RPP40: variants seen among roughly 807,000 people sequenced by gnomAD.
RPP40 encodes ribonuclease P/MRP subunit p40, also known as ribonuclease P protein subunit p40.
A neutral mutation model predicts 42.5 loss-of-function variants in RPP40; 30 were observed. That is an observed-to-expected ratio of 0.71 (90% CI 0.53 to 0.96). The LOEUF (loss-of-function observed/expected upper bound fraction) is 0.96. RPP40 is among the 40% of genes least tolerant of loss of function. The pLI, the probability that RPP40 is intolerant of heterozygous loss-of-function variation, is 0.00. For missense variants in RPP40, 426 were observed against 433.5 expected, an observed-to-expected ratio of 0.98 and a Z score of 0.15; for synonymous variants, 173 against 164.0, an observed-to-expected ratio of 1.05 and a Z score of -0.42.
intron 4 of RPP40, 50 bp downstream of exon 4, chr6:4,999,754 AAATTT>A: frequency 9.7e-7 from 1 of 1,029,452 alleles, no homozygotes; most frequent in African/African-American, 1.6e-5. Context: ...TCAAACATTT[AAATTT>A]AAATTGCCAC....
chr6:5,001,088 C>A, intron 2 of RPP40: 1 of 456,982 alleles, frequency 2.2e-6, no homozygotes, highest in Non-Finnish European at 4.4e-6. Flanking sequence ...CAGAACGGAA[C>A]GTGACCTTTG....
intron 5 of RPP40, 27 bp from the exon 6 acceptor site, chr6:4,996,447 T>C (rs369724633): frequency 1.5e-4 from 240 of 1,608,676 alleles, no homozygotes; most frequent in Non-Finnish European, 1.9e-4. Flanking sequence ...ACAAGGCCAT[T>C]TGAATCCATC....
intron 7 of RPP40, 77 bp from the exon 8 acceptor site, chr6:4,995,353 A>G (rs1638364078): frequency 1.0e-6 from 1 of 994,420 alleles, no homozygotes; most frequent in East Asian, 2.6e-5. Flanking sequence ...TTTATTCAGG[A>G]TAAGTAGTAT....
At chr6:4,992,455 T>C (rs1259996370), downstream of RPP40, among the ~76,000 whole-genome samples, 2 of 152,176 alleles carry the variant, frequency 1.3e-5, no homozygotes. Flanking sequence ...CAGATATTTC[T>C]TTATGGCAGT....
intron 7 of RPP40, 45 bp from the exon 8 acceptor site, chr6:4,995,321 G>C: frequency 7.2e-7 from 1 of 1,384,220 alleles, no homozygotes; most frequent in Non-Finnish European, 1.0e-6. Context: ...AAGAGAGTTA[G>C]GAATGTCTGC....
At position 4,994,885 on chromosome 6, in the gene RPP40, A is replaced by G. The variant is rs1318919667; in HGVS notation, c.*193T>C. Reference sequence around the variant, plus strand: ...TTATGTTGACAGAGAGAAATCAACTATGAGCTATTCACTGGACAGCAGGCC... The same window carrying G: ...TTATGTTGACAGAGAGAAATCAACTGTGAGCTATTCACTGGACAGCAGGCC... On this transcript the variant is annotated 3_prime_UTR_variant, in exon 8 of 8. Coordinates refer to ENST00000380051, the MANE Select transcript of RPP40 (RefSeq NM_006638.4). 12 of 591,586 alleles carry G rather than the reference A, an allele frequency of 2.0e-5. No homozygotes were observed. The highest frequency in any genetic ancestry group is 4.4e-4 in the Middle Eastern group (1 of 2,268). The allele number at this position is 591,586 out of a possible 1,614,324, so 36.6% of individuals were successfully genotyped here.
chr6:5,003,849 G>C, intron 1 of RPP40, 31 bp downstream of exon 1: 1 of 1,593,102 alleles, frequency 6.3e-7, no homozygotes, highest in Non-Finnish European at 8.6e-7. Flanking sequence ...GACTGAGCAC[G>C]GCCCGAAAAG....
In RPP40 at chr6:4,995,273, G is replaced by A. The variant is rs559922527; in HGVS notation, c.897C>T (p.His299=). 1 of 1,605,538 alleles carries A rather than the reference G, an allele frequency of 6.2e-7. No individual in the cohort carries two copies. The highest frequency in any genetic ancestry group is 1.3e-5 in the African/African-American group (1 of 74,512). The change falls in exon 8 of 8, where the codon CAC becomes CAT. Residue 299 remains histidine (H), a synonymous_variant. Transcript: ENST00000380051. ...KICLLLEHLC[H]YFDEPKLAPW... ...GAGCTAACTTCGGTTCATCAAAGTA[G>A]TGACTGAAAAAAAGGTAGTTGTTAA...
At chr6:5,000,652 G>C (rs757565376) in intron 2 of RPP40, 21 bp from the exon 3 acceptor site, 1 of 1,483,210 alleles carries the variant, frequency 6.7e-7, no homozygotes, top group Non-Finnish European at 9.3e-7. Flanking sequence ...AAGTACAGAG[G>C]AAAAATTTAA....
In RPP40 at chr6:5,000,594, A is replaced by C. The variant is rs1470261571; in HGVS notation, c.306T>G (p.Asp102Glu). Residue 102 changes from aspartate (D) to glutamate (E), a missense_variant, in exon 3 of 8, where the codon GAT (aspartate) becomes GAG (glutamate). Physicochemically the swap from Asp to Glu is conservative, Grantham distance 45. Coordinates refer to ENST00000380051, the MANE Select transcript of RPP40 (RefSeq NM_006638.4). ...GTAGCAGGGCAACAGTATTATCTTC[A>C]TCAATATGTGTATTGTATGTTAGTG... ...CYALTYNTHI[D>E]EDNTVALLPN... The C allele has an allele frequency of 6.3e-7, 1 of 1,592,418 alleles. No individual in the cohort carries two copies.
At chr6:4,997,569 C>G (rs1759419554) in intron 5 of RPP40, among the ~76,000 whole-genome samples, 1 of 152,160 alleles carries the variant, frequency 6.6e-6, no homozygotes, top group Non-Finnish European at 1.5e-5. Context: ...CCCTGGGTCT[C>G]CCACTTGCAG....
At position 4,994,849 on chromosome 6, in the gene RPP40, CA is replaced by C. The variant is rs1759320064; in HGVS notation, c.*228del. On this transcript the variant is annotated 3_prime_UTR_variant, in exon 8 of 8. Transcript: ENST00000380051. The stretch of plus-strand genomic sequence containing the variant: ...GCCCAGTGTACCACATAGTAACCCA[CA>C]ACCCTGTGCTTATGTTGACAGAGAG... 7 of 538,246 alleles carry C rather than the reference CA, an allele frequency of 1.3e-5. No individual in the cohort carries two copies. Among genetic ancestry groups the C allele is most frequent in the Non-Finnish European group, 2.3e-5 (7 of 303,716 alleles). 33.3% of individuals were successfully genotyped at this position (538,246 alleles called of 1,614,324 possible).
rs757486654 is a variant in RPP40 at position 4,995,246 on chromosome 6, T to C, written c.924A>G (p.Pro308=). The C allele has an allele frequency of 7.4e-6, 12 of 1,613,622 alleles. No homozygotes were observed. The highest frequency in any genetic ancestry group is 5.0e-5 in the Admixed American group (3 of 59,906). The change falls in exon 8 of 8, where the codon CCA becomes CCG. Residue 308 remains proline (P), a synonymous_variant. Transcript: ENST00000380051. ...CHYFDEPKLA[P]WVTLSVQGFA... is the part of the protein sequence containing the mutation. ...AGCCTTGAACGGACAGTGTAACCCA[T>C]GGAGCTAACTTCGGTTCATCAAAGT...
chr6:4,992,141 G>A (rs955687886), downstream of RPP40, among the ~76,000 whole-genome samples: 53 of 152,008 alleles, frequency 3.5e-4, no homozygotes, highest in Non-Finnish European at 6.9e-4. Context: ...TTCGAGACCA[G>A]CCTGGCCAAT....
chr6:4,998,353 A>C (rs1759444182), intron 5 of RPP40, among the ~76,000 whole-genome samples: 1 of 152,254 alleles, frequency 6.6e-6, no homozygotes, highest in Non-Finnish European at 1.5e-5. Context: ...GATAATAAAT[A>C]AGCAGATTGT....
At chr6:5,002,847 A>G (rs1433777094) in intron 1 of RPP40, among the ~76,000 whole-genome samples, 1 of 152,220 alleles carries the variant, frequency 6.6e-6, no homozygotes, top group African/African-American at 2.4e-5. Context: ...ATGTTGCCAC[A>G]TTGTAAAAGT....
downstream of RPP40, among the ~76,000 whole-genome samples, chr6:4,990,275 T>A (rs1759243857): frequency 6.6e-6 from 1 of 152,228 alleles, no homozygotes; most frequent in Non-Finnish European, 1.5e-5. Context: ...ATATTCCCTC[T>A]TGATCATGTT....
chr6:4,996,558 TA>T (rs1377407439), intron 5 of RPP40, 138 bp from the exon 6 acceptor site: 1 of 716,466 alleles, frequency 1.4e-6, no homozygotes, highest in African/African-American at 1.8e-5. Context: ...GCATTCAAAT[TA>T]AAATCATTTA....
rs1759326007 is a variant in RPP40 at position 4,995,030 on chromosome 6, T to C, written c.*48A>G. On this transcript the variant is annotated 3_prime_UTR_variant, in exon 8 of 8. Transcript: ENST00000380051. ...ACAGACCTTTTACCATTAAGAAATCTGAAAGCAAGCGTAAATGTAAGTAAA... is the reference window on the plus strand; with the variant it reads ...ACAGACCTTTTACCATTAAGAAATCCGAAAGCAAGCGTAAATGTAAGTAAA... 1.3e-6 allele frequency: 2 copies of C among 1,495,500 alleles called. No individual in the cohort carries two copies. Among genetic ancestry groups the C allele is most frequent in the Admixed American group, 3.5e-5 (2 of 56,584 alleles). 92.6% of individuals were successfully genotyped at this position (1,495,500 alleles called of 1,614,324 possible). A position where few individuals can be genotyped will look rare whatever the true frequency, so the allele number is the denominator to read the frequency against.
Sources: allele counts gnomAD v4.1 joint callset (sites outside exome capture counted in the v4.1 genomes callset), GRCh38; gene constraint gnomAD v4.1.1; transcripts MANE v1.5; gene names NCBI Gene and HGNC (gene_info 2026-07-23, HGNC 2026-07-21).